Variants in ZNF280D observed in about 807,000 individuals in gnomAD.
ZNF280D encodes the protein zinc finger protein 280D, also known as suppressor of hairy wing homolog 4.
In ZNF280D, 39 loss-of-function variants were observed where a neutral mutation model predicts 94.7. The ratio of observed to expected loss-of-function variants is 0.41; its 90% CI spans 0.32 to 0.54. The LOEUF (loss-of-function observed/expected upper bound fraction) is 0.54, where lower values mean the gene tolerates loss of function less well. ZNF280D is among the 20% of genes least tolerant of loss of function. ZNF280D has a pLI of 0.22. For missense variants in ZNF280D, 1,090 were observed against 1,149.3 expected (o/e 0.95, Z 0.75); for synonymous variants, 398 against 377.6 (o/e 1.05, Z -0.63).
rs375617081 is a variant in ZNF280D at position 56,716,712 on chromosome 15, CAG to C, written c.-85-9408_-85-9407del. Among the ~76,000 whole-genome samples the C allele has an allele frequency of 4.9e-4, 75 of 152,178 alleles. 1 individual carries two copies. The highest frequency in any genetic ancestry group is 6.8e-3 in the Middle Eastern group (2 of 292). ...AAATAACAGAATTTGAGTATTAAAT[CAG>C]AGAGAAGACTATTTTACCCTATTCT... On this transcript the variant is annotated intron_variant, in intron 1 of 21. Coordinates refer to ENST00000267807, the MANE Select transcript of ZNF280D (RefSeq NM_017661.4).
At chr15:56,684,751 G>C (rs1243275566) in intron 9 of ZNF280D, among the ~76,000 whole-genome samples, 1 of 151,996 alleles carries the variant, frequency 6.6e-6, no homozygotes, top group Non-Finnish European at 1.5e-5. Context: ...GAAAAAAAAA[G>C]ACATATGTCA....
intron 1 of ZNF280D, among the ~76,000 whole-genome samples, chr15:56,714,656 C>T (rs1262157205): frequency 6.6e-6 from 1 of 152,072 alleles, no homozygotes; most frequent in African/African-American, 2.4e-5. Context: ...GCTTTCCCTG[C>T]CCATCTCCTA....
Position 56,658,440 on chromosome 15 carries a change from G to T in ZNF280D, c.2041C>A (p.His681Asn). The T allele has an allele frequency of 6.3e-7, 1 of 1,588,158 alleles. No individual in the cohort carries two copies. Among genetic ancestry groups the T allele is most frequent in the South Asian group, 1.2e-5 (1 of 84,424 alleles). Residue 681 changes from histidine to asparagine, a missense_variant, in exon 17 of 22, where the codon CAT becomes AAT. This residue lies in a region of ZNF280D where 577 missense variants were observed against 568.8 expected (regional missense o/e 1.01). Coordinates refer to ENST00000267807, the MANE Select transcript of ZNF280D (RefSeq NM_017661.4). ...PSKRFCIFKK[H>N]SENLRGITLV... ...ACTAGTTACCGGAGATTTTCTGAAT[G>T]CTTCTTAAAAATACAAAACCTTTTG... is the stretch of plus-strand genomic sequence containing the variant.
At chr15:56,727,955 T>A (rs1300340912) in intron 1 of ZNF280D, among the ~76,000 whole-genome samples, 1 of 152,232 alleles carries the variant, frequency 6.6e-6, no homozygotes, top group Non-Finnish European at 1.5e-5. Context: ...ATTAAGAATA[T>A]GGACCATGCT....
chr15:56,699,696 C>G, intron 6 of ZNF280D: 2 of 532,922 alleles, frequency 3.8e-6, no homozygotes, highest in Non-Finnish European at 4.8e-6. Context: ...TAGTTTACCT[C>G]ACAATTCAAT....
intron 16 of ZNF280D, among the ~76,000 whole-genome samples, chr15:56,665,907 G>A (rs377695272): frequency 5.9e-5 from 9 of 152,066 alleles, no homozygotes; most frequent in Admixed American, 4.6e-4. Flanking sequence ...AGGCCAAGGC[G>A]GGCAGATCAC....
rs2055423780 is a variant in ZNF280D at position 56,678,829 on chromosome 15, T to C, written c.1005-8A>G. ...TTCATGTGGTTCATAAACCTATAAATGGTTGTCAACAGGTGCAAAACTTGA... is the reference window on the plus strand; with the variant it reads ...TTCATGTGGTTCATAAACCTATAAACGGTTGTCAACAGGTGCAAAACTTGA... On this transcript the variant is annotated splice_region_variant and splice_polypyrimidine_tract_variant and intron_variant, in intron 10 of 21. Transcript: ENST00000267807. The C allele has an allele frequency of 1.3e-6, 2 of 1,556,706 alleles. No individual in the cohort carries two copies. Among genetic ancestry groups the C allele is most frequent in the Admixed American group, 1.9e-5 (1 of 51,284 alleles).
chr15:56,651,323 C>G (rs748608997), intron 19 of ZNF280D, among the ~76,000 whole-genome samples: 1 of 152,122 alleles, frequency 6.6e-6, no homozygotes, highest in Non-Finnish European at 1.5e-5. Context: ...CATGAAATGG[C>G]TATCTGACCA....
At chr15:56,664,945 G>GA (rs1398458754) in intron 16 of ZNF280D, among the ~76,000 whole-genome samples, 1 of 151,996 alleles carries the variant, frequency 6.6e-6, no homozygotes, top group Non-Finnish European at 1.5e-5. Context: ...TACTAGGCTG[G>GA]AAAAAGGAGT....
intron 1 of ZNF280D, among the ~76,000 whole-genome samples, chr15:56,713,945 G>A (rs965291321): frequency 4.6e-5 from 7 of 151,960 alleles, no homozygotes; most frequent in African/African-American, 1.5e-4. Context: ...AATCATAAGC[G>A]ATAAACAATA....
chr15:56,712,618 A>AT (rs1488702672), intron 1 of ZNF280D, among the ~76,000 whole-genome samples: 1 of 137,268 alleles, frequency 7.3e-6, no homozygotes, highest in African/African-American at 2.7e-5. Context: ...AAAAAAAAGG[A>AT]AAGAAAGAAA....
chr15:56,648,556 A>C (rs1302007502), intron 19 of ZNF280D, among the ~76,000 whole-genome samples: 1 of 152,080 alleles, frequency 6.6e-6, no homozygotes, highest in Non-Finnish European at 1.5e-5. Context: ...CTCTGAAGAC[A>C]GACTGACAGA....
chr15:56,721,791 G>A (rs142926478), intron 1 of ZNF280D, among the ~76,000 whole-genome samples: 99 of 152,126 alleles, frequency 6.5e-4, no homozygotes, highest in African/African-American at 2.3e-3. Context: ...CCATCTTAGC[G>A]ATAATGCTGT....
At chr15:56,694,589 G>C (rs912394334) in intron 6 of ZNF280D, among the ~76,000 whole-genome samples, 2 of 152,068 alleles carry the variant, frequency 1.3e-5, no homozygotes, top group Non-Finnish European at 2.9e-5. Flanking sequence ...ACCAGCCAAA[G>C]AAATGCAAAT....
Position 56,653,697 on chromosome 15 carries a change from GACAA to G in ZNF280D, c.2213+497_2213+500del, listed in dbSNP as rs752636439. 1.8e-4 allele frequency: 239 copies of G among 1,325,662 alleles called. 1 individual carries two copies. Among genetic ancestry groups the G allele is most frequent in the Non-Finnish European group, 2.1e-4 (223 of 1,039,120 alleles). The allele number at this position is 1,325,662 out of a possible 1,614,324, so 82.1% of individuals were successfully genotyped here. A position where few individuals can be genotyped will look rare whatever the true frequency, so the allele number is the denominator to read the frequency against. The stretch of plus-strand genomic sequence containing the variant: ...AGACGTATAAGAAATTAAGAAAGCA[GACAA>G]ACAGACAAAAGACAAACAGCCATAT... On this transcript the variant is annotated intron_variant, in intron 19 of 21. Transcript: ENST00000267807.
At chr15:56,685,521 A>C (rs2055943535) in intron 9 of ZNF280D, among the ~76,000 whole-genome samples, 5 of 152,200 alleles carry the variant, frequency 3.3e-5, no homozygotes. Context: ...GCCACCAAAT[A>C]AAGTAATATA....
intron 14 of ZNF280D, among the ~76,000 whole-genome samples, chr15:56,667,322 A>G (rs1180374752): frequency 2.6e-5 from 4 of 152,118 alleles, no homozygotes. Flanking sequence ...ATTCACAAGC[A>G]TAGAGCTCAA....
At chr15:56,632,270 T>C (rs2052115373) in intron 21 of ZNF280D, 148 bp from the exon 22 acceptor site, 1 of 729,518 alleles carries the variant, frequency 1.4e-6, no homozygotes, top group Non-Finnish European at 2.1e-6. Flanking sequence ...ATCCTCGCTA[T>C]GGCAGTAAAA....
At chr15:56,648,927 A>AT in intron 19 of ZNF280D, among the ~76,000 whole-genome samples, 1 of 152,120 alleles carries the variant, frequency 6.6e-6, no homozygotes, top group Non-Finnish European at 1.5e-5. Context: ...GACCAGTTCT[A>AT]TTTTTTCTAG....
Sources: allele counts gnomAD v4.1 joint callset (sites outside exome capture counted in the v4.1 genomes callset), GRCh38; gene constraint gnomAD v4.1.1; regional missense constraint gnomAD v4.1.1; transcripts MANE v1.5; gene names NCBI Gene and HGNC (gene_info 2026-07-23, HGNC 2026-07-21).